The following TRIM24 variants were observed in gnomAD, a reference collection of about 807,000 sequenced individuals.
TRIM24 encodes the protein tripartite motif containing 24.
A neutral mutation model predicts 123.9 loss-of-function variants in TRIM24; 29 were observed. The ratio of observed to expected loss-of-function variants is 0.23; its 90% CI spans 0.17 to 0.32. The LOEUF is 0.32. Ranked by LOEUF, TRIM24 falls within the 10% of genes least tolerant of loss-of-function variation. TRIM24 has a pLI of 1.00. For missense variants in TRIM24, 932 were observed against 1,295.3 expected, an observed-to-expected ratio of 0.72 and a Z score of 4.31; for synonymous variants, 456 against 461.1, an observed-to-expected ratio of 0.99 and a Z score of 0.14.
At chr7:138,537,152 C>T (rs886655593) in intron 6 of TRIM24, among the ~76,000 whole-genome samples, 2 of 152,154 alleles carry the variant, frequency 1.3e-5, no homozygotes, top group Admixed American at 6.5e-5. Flanking sequence ...TCCCTGACGC[C>T]TTGTGCTTCC....
intron 1 of TRIM24, among the ~76,000 whole-genome samples, chr7:138,489,555 ATC>A (rs1182734669): frequency 6.6e-6 from 1 of 152,046 alleles, no homozygotes; most frequent in East Asian, 1.9e-4. Flanking sequence ...GGTGACAAAA[ATC>A]TCTCAGCATT....
At chr7:138,471,524 T>A (rs1414903521) in intron 1 of TRIM24, among the ~76,000 whole-genome samples, 1 of 151,574 alleles carries the variant, frequency 6.6e-6, no homozygotes, top group Admixed American at 6.6e-5. Flanking sequence ...GTATAATAAA[T>A]TTATTTTTAT....
In TRIM24 at chr7:138,537,260, C is replaced by T. The variant is rs563103872; in HGVS notation, c.997-1397C>T. 7.2e-5 allele frequency among the ~76,000 whole-genome samples: 11 copies of T among 152,126 alleles called. No homozygotes were observed. In the South Asian group the frequency reaches 1.9e-3, roughly 26 times the overall value. ...CCGACAAGCCCCAGTGACATGAACC[C>T]GGTACCTCAGTTGGAAATGCAGAAA... On this transcript the variant is annotated intron_variant, in intron 6 of 18. Coordinates refer to ENST00000343526, the MANE Select transcript of TRIM24 (RefSeq NM_015905.3).
chr7:138,497,190 T>C (rs923690591), intron 1 of TRIM24, among the ~76,000 whole-genome samples: 2 of 152,010 alleles, frequency 1.3e-5, no homozygotes, highest in Non-Finnish European at 2.9e-5. Context: ...GCCCTTTGTG[T>C]CTAGACTTTT....
rs996790374 is a variant in TRIM24, at chr7:138,585,168, A to G, written c.*217A>G. 2.7e-6 allele frequency: 1 copy of G among 372,034 alleles called. No individual in the cohort carries two copies. The highest frequency in any genetic ancestry group is 4.8e-6 in the Non-Finnish European group (1 of 210,486). The allele number at this position is 372,034 out of a possible 1,614,324, so 23.0% of individuals were successfully genotyped here. A position where few individuals can be genotyped will look rare whatever the true frequency, so the allele number is the denominator to read the frequency against. Reference sequence around the variant, plus strand: ...GAAGGAGATGAATAGAAGAAAGAAAATGGAAAGAAGGAAAAAAGGAGGATA... The same window carrying G: ...GAAGGAGATGAATAGAAGAAAGAAAGTGGAAAGAAGGAAAAAAGGAGGATA... On this transcript the variant is annotated 3_prime_UTR_variant, in exon 19 of 19. Transcript: ENST00000343526.
chr7:138,493,456 A>T (rs1795838783), intron 1 of TRIM24, among the ~76,000 whole-genome samples: 1 of 152,186 alleles, frequency 6.6e-6, no homozygotes. Flanking sequence ...ATTTTTGCGA[A>T]GTCTTTGTTC....
intron 1 of TRIM24, among the ~76,000 whole-genome samples, chr7:138,463,452 G>C (rs548325260): frequency 6.6e-6 from 1 of 151,952 alleles, no homozygotes; most frequent in African/African-American, 2.4e-5. Flanking sequence ...GGCTGGTCTC[G>C]AACTTCTGAC....
At chr7:138,529,280 A>G (rs950953332) in intron 6 of TRIM24, 50 bp downstream of exon 6, 9 of 970,462 alleles carry the variant, frequency 9.3e-6, no homozygotes, top group African/African-American at 1.7e-5. Flanking sequence ...AGTATTTCCT[A>G]AAGTACTGTG....
At chr7:138,506,841 G>A (rs978308948) in intron 2 of TRIM24, among the ~76,000 whole-genome samples, 4 of 152,132 alleles carry the variant, frequency 2.6e-5, no homozygotes, top group African/African-American at 9.7e-5. Context: ...GATGGAGACT[G>A]GAGATGTCAT....
intron 7 of TRIM24, among the ~76,000 whole-genome samples, chr7:138,543,843 GT>G (rs1797050825): frequency 6.6e-6 from 1 of 151,754 alleles, no homozygotes; most frequent in South Asian, 2.1e-4. Flanking sequence ...TTTTTTTGTT[GT>G]TGTTGTTTGA....
At chr7:138,551,016 AAT>A in intron 7 of TRIM24, 45 bp from the exon 8 acceptor site, 1 of 1,493,690 alleles carries the variant, frequency 6.7e-7, no homozygotes, top group African/African-American at 1.4e-5. Flanking sequence ...CTGGGCGCTT[AAT>A]AAATTATTTG....
intron 1 of TRIM24, among the ~76,000 whole-genome samples, chr7:138,500,226 T>C (rs1230721797): frequency 6.6e-6 from 1 of 152,066 alleles, no homozygotes; most frequent in African/African-American, 2.4e-5. Flanking sequence ...CATATTCACA[T>C]CTCAAAACCC....
intron 4 of TRIM24, among the ~76,000 whole-genome samples, chr7:138,524,573 T>C (rs1796571390): frequency 6.6e-6 from 1 of 152,162 alleles, no homozygotes; most frequent in Non-Finnish European, 1.5e-5. Context: ...AGAAATACTG[T>C]ATTTTGTACA....
intron 2 of TRIM24, among the ~76,000 whole-genome samples, chr7:138,508,680 T>TGCGCGCGC (rs777842191): frequency 3.1e-5 from 3 of 97,110 alleles, no homozygotes; most frequent in African/African-American, 1.1e-4. Context: ...TGTGTGTGTG[T>TGCGCGCGC]GTGTGTGTGT....
chr7:138,529,889 T>A (rs1240510033), intron 6 of TRIM24, among the ~76,000 whole-genome samples: 1 of 152,170 alleles, frequency 6.6e-6, no homozygotes, highest in Non-Finnish European at 1.5e-5. Context: ...AGGTATTCTT[T>A]TAGTACGTTG....
At chr7:138,568,956 G>C (rs541259001) in intron 10 of TRIM24, among the ~76,000 whole-genome samples, 1 of 151,778 alleles carries the variant, frequency 6.6e-6, no homozygotes, top group Non-Finnish European at 1.5e-5. Context: ...TAATCAATTT[G>C]CCTTTGCTAT....
chr7:138,581,765 T>TCTAA lies in TRIM24; in HGVS notation c.2790_2793dup (p.Val932AsnfsTer4). 1 of 1,612,188 alleles carries TCTAA rather than the reference T, an allele frequency of 6.2e-7. No homozygotes were observed. The highest frequency in any genetic ancestry group is 1.7e-5 in the Admixed American group (1 of 59,878). ...GCCTGGCTTTTCAAGACCCTGTTCC[T>TCTAA]CTAACTGTAAGTATTAATGTCATTT... On this transcript the variant is annotated frameshift_variant, in exon 17 of 19. Coordinates refer to ENST00000343526, the MANE Select transcript of TRIM24 (RefSeq NM_015905.3). LOFTEE classifies it high-confidence loss of function.
intron 9 of TRIM24, among the ~76,000 whole-genome samples, chr7:138,558,712 C>A (rs1797366239): frequency 6.6e-6 from 1 of 152,182 alleles, no homozygotes; most frequent in Admixed American, 6.5e-5. Flanking sequence ...ACTTTTTGAC[C>A]TTTGACTTTG....
chr7:138,515,017 T>C (rs930742191), intron 2 of TRIM24, among the ~76,000 whole-genome samples, 195 bp from the exon 3 acceptor site: 1 of 152,256 alleles, frequency 6.6e-6, no homozygotes, highest in East Asian at 1.9e-4. Flanking sequence ...AATATACTTA[T>C]ATTCTTGTCT....
Sources: gnomAD v4.1 joint callset for allele counts (sites outside exome capture counted in the v4.1 genomes callset) on GRCh38, gnomAD v4.1.1 for gene constraint, MANE v1.5 for transcripts, NCBI Gene and HGNC (gene_info 2026-07-23, HGNC 2026-07-21) for gene names.